Variants in SLX4IP observed in about 807,000 individuals in gnomAD.
The protein encoded by SLX4IP is SLX4 interacting protein.
In SLX4IP, 34 loss-of-function variants were observed where a neutral mutation model predicts 32.9. The ratio of observed to expected loss-of-function variants is 1.03; its 90% CI spans 0.79 to 1.38. The LOEUF is 1.38. Ranked by LOEUF, SLX4IP falls within the 40% of genes most tolerant of loss-of-function variation. The pLI is 0.00. For synonymous variants in SLX4IP, 172 were observed against 171.7 expected (o/e 1.00, Z -0.01); for missense variants, 444 against 479.0 (o/e 0.93, Z 0.68).
At chr20:10,530,643 A>G (rs2065980997) in intron 2 of SLX4IP, among the ~76,000 whole-genome samples, 1 of 152,260 alleles carries the variant, frequency 6.6e-6, no homozygotes, top group Non-Finnish European at 1.5e-5. Flanking sequence ...AGAAGCAACC[A>G]TCTTGCTATA....
intron 4 of SLX4IP, among the ~76,000 whole-genome samples, chr20:10,589,509 C>G (rs374986418): frequency 6.6e-6 from 1 of 152,134 alleles, no homozygotes; most frequent in Admixed American, 6.5e-5. Context: ...AGGTAATTAA[C>G]ATAGTGTTAA....
At chr20:10,470,184 T>C (rs748976844) in intron 2 of SLX4IP, among the ~76,000 whole-genome samples, 1 of 152,226 alleles carries the variant, frequency 6.6e-6, no homozygotes, top group Non-Finnish European at 1.5e-5. Flanking sequence ...GTCATAGTTT[T>C]ATTACCATTA....
chr20:10,585,807 T>A (rs938599165), intron 4 of SLX4IP, among the ~76,000 whole-genome samples: 2 of 152,062 alleles, frequency 1.3e-5, no homozygotes, highest in African/African-American at 4.8e-5. Context: ...GTCAGGCTGG[T>A]CTCGAACTCC....
chr20:10,508,875 G>T (rs2065781868), intron 2 of SLX4IP, among the ~76,000 whole-genome samples: 1 of 152,162 alleles, frequency 6.6e-6, no homozygotes, highest in African/African-American at 2.4e-5. Flanking sequence ...CCAGTGAGTG[G>T]CTCTCCACTG....
chr20:10,540,483 A>G (rs2066094822), intron 2 of SLX4IP, among the ~76,000 whole-genome samples: 1 of 152,194 alleles, frequency 6.6e-6, no homozygotes, highest in Non-Finnish European at 1.5e-5. Context: ...TACCTGGGAA[A>G]TGTAACTTTC....
At chr20:10,466,981 C>T (rs1454434684) in intron 2 of SLX4IP, among the ~76,000 whole-genome samples, 1 of 152,124 alleles carries the variant, frequency 6.6e-6, no homozygotes, top group Non-Finnish European at 1.5e-5. Flanking sequence ...CCTTAGAACA[C>T]CACAAAAAGA....
In SLX4IP at chr20:10,487,838, A is replaced by C. The variant is rs1600921960; in HGVS notation, c.27+29607A>C. Among the ~76,000 whole-genome samples the C allele has an allele frequency of 2.0e-5, 3 of 152,222 alleles. No individual in the cohort carries two copies. In the South Asian group the frequency reaches 6.2e-4, roughly 32 times the overall value. Reference sequence around the variant, plus strand: ...ACATGAGGGCAGGCATATTGCAGAAATATTTCAGGCATTTTTGTGAGGGAG... The same window carrying C: ...ACATGAGGGCAGGCATATTGCAGAACTATTTCAGGCATTTTTGTGAGGGAG... On this transcript the variant is annotated intron_variant, in intron 2 of 7. Transcript: ENST00000334534.
chr20:10,518,462 CCT>C (rs1354617537), intron 2 of SLX4IP, among the ~76,000 whole-genome samples: 15,992 of 65,066 alleles, frequency 0.25, 2,507 homozygotes, highest in South Asian at 0.45. Context: ...TTCCTTCCTT[CCT>C]TTCCTTTCTT....
chr20:10,619,769 T>G (rs976653567), intron 6 of SLX4IP, among the ~76,000 whole-genome samples: 9 of 152,224 alleles, frequency 5.9e-5, no homozygotes, highest in Admixed American at 4.6e-4. Context: ...GTTTCACACA[T>G]AAATCTCGAT....
At chr20:10,575,840 T>C (rs975125780) in intron 4 of SLX4IP, among the ~76,000 whole-genome samples, 8 of 152,268 alleles carry the variant, frequency 5.3e-5, no homozygotes, top group East Asian at 1.9e-4. Context: ...ATTCCTAATA[T>C]TAACACCCAT....
Position 10,491,957 on chromosome 20 carries a change from T to C in SLX4IP, c.27+33726T>C, listed in dbSNP as rs16991679. On this transcript the variant is annotated intron_variant, in intron 2 of 7. Transcript: ENST00000334534. ...CTCATAAACAACATTTGGTATTGAT[T>C]TGCACATTTTCAAAGTTAGTATAAA... is the stretch of plus-strand genomic sequence containing the variant. Among the ~76,000 whole-genome samples, 625 of 152,338 alleles carry C rather than the reference T, an allele frequency of 4.1e-3. 5 individuals carry two copies. The highest frequency in any genetic ancestry group is 6.9e-3 in the Admixed American group (105 of 15,304).
At chr20:10,535,265 T>C (rs1311572208) in intron 2 of SLX4IP, among the ~76,000 whole-genome samples, 1 of 152,170 alleles carries the variant, frequency 6.6e-6, no homozygotes, top group Non-Finnish European at 1.5e-5. Flanking sequence ...GGATAAGTCC[T>C]AGTGCCACTG....
chr20:10,623,319 A>G lies in SLX4IP; in HGVS notation c.1167A>G (p.Arg389=), dbSNP rs777898419. Residue 389 remains arginine (R), a synonymous_variant, in exon 8 of 8, where the codon AGA becomes AGG. Coordinates refer to ENST00000334534, the MANE Select transcript of SLX4IP (RefSeq NM_001009608.3). ...QQTGLATNTE[R]LSTIQNSPTK... is the part of the protein sequence containing the mutation. ...CCGGCTTAGCCACAAACACTGAAAG[A>G]TTATCTACAATTCAGAACAGCCCAA... 2.5e-6 allele frequency: 4 copies of G among 1,614,180 alleles called. No homozygotes were observed. The highest frequency in any genetic ancestry group is 2.2e-5 in the East Asian group (1 of 44,866).
chr20:10,509,774 A>G (rs1410693303), intron 2 of SLX4IP, among the ~76,000 whole-genome samples: 4 of 151,848 alleles, frequency 2.6e-5, no homozygotes, highest in African/African-American at 9.7e-5. Context: ...ATAGCTCACT[A>G]CAAAGCCCTG....
intron 2 of SLX4IP, among the ~76,000 whole-genome samples, chr20:10,541,467 A>T: frequency 6.6e-6 from 1 of 152,236 alleles, no homozygotes; most frequent in East Asian, 1.9e-4. Context: ...AGGCTGTCCA[A>T]TGTGGCAGTG....
At chr20:10,548,472 C>G (rs1403699116) in intron 2 of SLX4IP, among the ~76,000 whole-genome samples, 1 of 152,210 alleles carries the variant, frequency 6.6e-6, no homozygotes, top group Admixed American at 6.5e-5. Context: ...ATCTCCTGAC[C>G]TTGTGATCCT....
chr20:10,469,202 G>A (rs973117981), intron 2 of SLX4IP, among the ~76,000 whole-genome samples: 10 of 152,176 alleles, frequency 6.6e-5, no homozygotes, highest in Admixed American at 2.6e-4. Context: ...AAGTTTCTTC[G>A]TCTTGGCTCA....
intron 2 of SLX4IP, among the ~76,000 whole-genome samples, chr20:10,475,759 G>A (rs544598826): frequency 1.4e-4 from 21 of 152,270 alleles, no homozygotes; most frequent in South Asian, 1.0e-3. Context: ...TTGCTTCATC[G>A]ATTGTGGCAC....
intron 2 of SLX4IP, among the ~76,000 whole-genome samples, chr20:10,530,985 C>T (rs1408755761): frequency 6.6e-6 from 1 of 152,162 alleles, no homozygotes. Context: ...GCTTTACAAA[C>T]ATATTTAGAT....
Sources: allele counts gnomAD v4.1 joint callset (sites outside exome capture counted in the v4.1 genomes callset), GRCh38; gene constraint gnomAD v4.1.1; transcripts MANE v1.5; gene names NCBI Gene and HGNC (gene_info 2026-07-23, HGNC 2026-07-21).